ZSCAN32: variants seen among roughly 807,000 people sequenced by gnomAD.
ZSCAN32 encodes zinc finger and SCAN domain-containing protein 32.
Under a neutral mutation model 47.4 loss-of-function variants are expected in ZSCAN32, and 52 were observed. The ratio of observed to expected loss-of-function variants is 1.10; its 90% CI spans 0.88 to 1.38. The LOEUF is 1.38. Ranked by LOEUF, ZSCAN32 falls within the 40% of genes most tolerant of loss-of-function variation. The pLI, the probability that ZSCAN32 is intolerant of heterozygous loss-of-function variation, is 0.00. For missense variants in ZSCAN32, 959 were observed against 846.0 expected, an observed-to-expected ratio of 1.13 and a Z score of -1.66; for synonymous variants, 346 against 305.7, an observed-to-expected ratio of 1.13 and a Z score of -1.38.
chr16:3,386,076 A>G (rs1452337105), intron 5 of ZSCAN32, among the ~76,000 whole-genome samples: 1 of 152,226 alleles, frequency 6.6e-6, no homozygotes, highest in Non-Finnish European at 1.5e-5. Context: ...AGAATCTACA[A>G]TGAACTCTAA....
intron 2 of ZSCAN32, among the ~76,000 whole-genome samples, chr16:3,395,613 G>A (rs952582549): frequency 5.9e-5 from 9 of 152,212 alleles, no homozygotes; most frequent in East Asian, 5.8e-4. Flanking sequence ...ATCCAGTCTC[G>A]GGTATGTCCT....
chr16:3,389,095 A>G (rs2032352545), intron 5 of ZSCAN32, among the ~76,000 whole-genome samples: 1 of 152,232 alleles, frequency 6.6e-6, no homozygotes, highest in Non-Finnish European at 1.5e-5. Flanking sequence ...ACAAATCTCA[A>G]TACAGAGCTC....
At chr16:3,394,512 T>C (rs1490704497) in intron 2 of ZSCAN32, among the ~76,000 whole-genome samples, 6 of 152,136 alleles carry the variant, frequency 3.9e-5, no homozygotes, top group Admixed American at 3.9e-4. Context: ...CATGGCTCCA[T>C]CAGGGTCCAG....
chr16:3,384,151 A>C lies in ZSCAN32; in HGVS notation c.1234+308T>G, dbSNP rs1034405475. The C allele has an allele frequency of 7.3e-6, 4 of 544,618 alleles. No individual in the cohort carries two copies. The African/African-American group carries it at 7.7e-5, about 10-fold the overall frequency. The allele number at this position is 544,618 out of a possible 1,614,324, so 33.7% of individuals were successfully genotyped here. The stretch of plus-strand genomic sequence containing the variant: ...GGCTCAGGCTGTGAAAGGCAAGGCC[A>C]TGCTAGAGAAAAAGGGAGAAGATGG... On this transcript the variant is annotated intron_variant, in intron 6 of 6. Coordinates refer to ENST00000396852, the MANE Select transcript of ZSCAN32 (RefSeq NM_001284527.2).
At chr16:3,384,029 ATG>A in intron 6 of ZSCAN32, 1 of 427,070 alleles carries the variant, frequency 2.3e-6, no homozygotes, top group Non-Finnish European at 4.1e-6. Flanking sequence ...CAATTCTTGA[ATG>A]TTCTAACTTC....
intron 5 of ZSCAN32, among the ~76,000 whole-genome samples, chr16:3,386,817 G>A (rs12149849): frequency 6.6e-6 from 1 of 151,826 alleles, no homozygotes; most frequent in African/African-American, 2.4e-5. Flanking sequence ...GGGAGGGATA[G>A]CATTTGGAGA....
At position 3,397,366 on chromosome 16, in the gene ZSCAN32, C is replaced by T; in HGVS notation, c.192G>A (p.Gln64=). The T allele has an allele frequency of 6.4e-7, 1 of 1,557,070 alleles. No individual in the cohort carries two copies. Among genetic ancestry groups the T allele is most frequent in the Non-Finnish European group, 8.7e-7 (1 of 1,150,654 alleles). Residue 64 remains glutamine (Q), a synonymous_variant, in exon 2 of 7, where the codon CAG becomes CAA. Transcript: ENST00000396852. ...AFSKLWELCC[Q]WLRPKTHSKE... The stretch of plus-strand genomic sequence containing the variant: ...TTGAGTGGGTCTTCGGCCTCAGCCA[C>T]TGACAACAGAGTTCCCAGAGTTTGC...
At chr16:3,400,508 C>T (rs993372479) in intron 1 of ZSCAN32, among the ~76,000 whole-genome samples, 1 of 152,178 alleles carries the variant, frequency 6.6e-6, no homozygotes, top group Admixed American at 6.5e-5. Flanking sequence ...AAATGCTGTT[C>T]TCTGAAAATT....
chr16:3,400,673 G>A (rs913562188), intron 1 of ZSCAN32, among the ~76,000 whole-genome samples: 1 of 152,212 alleles, frequency 6.6e-6, no homozygotes, highest in African/African-American at 2.4e-5. Flanking sequence ...GTAGGGAGTG[G>A]GCGAGACAGG....
rs1188729075 is a variant in ZSCAN32, at chr16:3,397,756, G to C, written c.-187-12C>G. 2 of 601,252 alleles carry C rather than the reference G, an allele frequency of 3.3e-6. No homozygotes were observed. Among genetic ancestry groups the C allele is most frequent in the Non-Finnish European group, 5.6e-6 (2 of 358,968 alleles). The allele number at this position is 601,252 out of a possible 1,614,324, so 37.2% of individuals were successfully genotyped here. On this transcript the variant is annotated splice_polypyrimidine_tract_variant and intron_variant, in intron 1 of 6. Transcript: ENST00000396852. ...ACTTTGAAGGATGTCTGAAGAGGAT[G>C]GAAAAAGACAATATAAACCTATCAA...
chr16:3,397,361 A>T lies in ZSCAN32; in HGVS notation c.197T>A (p.Leu66Gln). 1 of 1,557,516 alleles carries T rather than the reference A, an allele frequency of 6.4e-7. No homozygotes were observed. Among genetic ancestry groups the T allele is most frequent in the East Asian group, 2.4e-5 (1 of 41,604 alleles). The change falls in exon 2 of 7, where the codon CTG becomes CAG. Residue 66 changes from leucine (L) to glutamine (Q), a missense_variant. Physicochemically the swap from Leu to Gln is moderately radical, Grantham distance 113. Transcript: ENST00000396852. ...CTCTTTTGAGTGGGTCTTCGGCCTC[A>T]GCCACTGACAACAGAGTTCCCAGAG... is the stretch of plus-strand genomic sequence containing the variant. ...SKLWELCCQW[L>Q]RPKTHSKEEI...
chr16:3,390,191 G>T (rs1046789044), intron 4 of ZSCAN32, 58 bp from the exon 5 acceptor site: 2 of 1,519,672 alleles, frequency 1.3e-6, no homozygotes, highest in African/African-American at 1.4e-5. Flanking sequence ...AGCCTGGGGT[G>T]GGGGCAGAGA....
intron 2 of ZSCAN32, among the ~76,000 whole-genome samples, chr16:3,394,560 C>G (rs986873814): frequency 6.6e-6 from 1 of 152,112 alleles, no homozygotes; most frequent in African/African-American, 2.4e-5. Context: ...TACTGCTGGA[C>G]CCTCCAATCC....
At chr16:3,388,122 A>G (rs992271216) in intron 5 of ZSCAN32, among the ~76,000 whole-genome samples, 1 of 152,214 alleles carries the variant, frequency 6.6e-6, no homozygotes, top group Non-Finnish European at 1.5e-5. Flanking sequence ...ATAGTGCAGC[A>G]GTGTCAAATT....
At position 3,397,756 on chromosome 16, in the gene ZSCAN32, G is replaced by A. The variant is rs1188729075; in HGVS notation, c.-187-12C>T. 8.3e-6 allele frequency: 5 copies of A among 601,252 alleles called. No homozygotes were observed. The highest frequency in any genetic ancestry group is 1.4e-5 in the Non-Finnish European group (5 of 358,968). 37.2% of individuals were successfully genotyped at this position (601,252 alleles called of 1,614,324 possible). Reference sequence around the variant, plus strand: ...ACTTTGAAGGATGTCTGAAGAGGATGGAAAAAGACAATATAAACCTATCAA... The same window carrying A: ...ACTTTGAAGGATGTCTGAAGAGGATAGAAAAAGACAATATAAACCTATCAA... On this transcript the variant is annotated splice_polypyrimidine_tract_variant and intron_variant, in intron 1 of 6. Coordinates refer to ENST00000396852, the MANE Select transcript of ZSCAN32 (RefSeq NM_001284527.2).
At chr16:3,385,064 C>T (rs1244239481) in intron 5 of ZSCAN32, 123 bp from the exon 6 acceptor site, 1 of 1,186,252 alleles carries the variant, frequency 8.4e-7, no homozygotes, top group Non-Finnish European at 1.2e-6. Context: ...GTGGCTCACA[C>T]CTGTAATCCC....
rs369445206 is a variant in ZSCAN32, at chr16:3,383,714, G to GA, written c.1235-4dup. 48,000 of 884,872 alleles carry GA rather than the reference G, an allele frequency of 0.054. No individual in the cohort carries two copies. The highest frequency in any genetic ancestry group is 0.089 in the South Asian group (3,955 of 44,220). The allele number at this position is 884,872 out of a possible 1,614,324, so 54.8% of individuals were successfully genotyped here. On this transcript the variant is annotated splice_region_variant and splice_polypyrimidine_tract_variant and intron_variant, in intron 6 of 6. Transcript: ENST00000396852. ...AATCTCGTTCTTGAACTCAAAACCT[G>GA]AAAAAAAAAAACCCCACAGAAATAC...
chr16:3,390,116 G>C lies in ZSCAN32; in HGVS notation c.645C>G (p.Asp215Glu). The change falls in exon 5 of 7, where the codon GAC becomes GAG. Residue 215 changes from aspartate to glutamate, a missense_variant. Transcript: ENST00000396852. The part of the protein sequence containing the change: ...TAGSQGPAMR[D>E]NRAVSLCQQE... ...GCTGACAGAGGGATACAGCTCTGTT[G>C]TCACGCATGGCTGGTCCCTGTAACA... 1 of 1,612,494 alleles carries C rather than the reference G, an allele frequency of 6.2e-7. No individual in the cohort carries two copies. Among genetic ancestry groups the C allele is most frequent in the East Asian group, 2.2e-5 (1 of 44,848 alleles).
At chr16:3,393,554 G>T in intron 3 of ZSCAN32, 95 bp downstream of exon 3, 1 of 1,275,538 alleles carries the variant, frequency 7.8e-7, no homozygotes, top group Non-Finnish European at 1.0e-6. Context: ...AAGGCATTTA[G>T]TCTGGAACCC....
Sources: allele counts gnomAD v4.1 joint callset (sites outside exome capture counted in the v4.1 genomes callset), GRCh38; gene constraint gnomAD v4.1.1; transcripts MANE v1.5; gene names NCBI Gene and HGNC (gene_info 2026-07-23, HGNC 2026-07-21).